The following INSL6 variants were observed in gnomAD, a reference collection of about 807,000 sequenced individuals.
INSL6 encodes insulin like 6.
INSL6 carries 16 observed loss-of-function variants against 9.4 expected under a neutral mutation model. The ratio of observed to expected loss-of-function variants is 1.70; its 90% CI spans 1.15 to 2.59. The LOEUF is 2.59. Ranked by LOEUF, INSL6 falls within the 30% of genes most tolerant of loss-of-function variation. The probability of loss-of-function intolerance (pLI) is 0.00; values close to 1 mark genes in which losing one functional copy is unlikely to be tolerated. For missense variants in INSL6, 391 were observed against 257.3 expected (o/e 1.52, Z -3.56); for synonymous variants, 154 against 96.9 (o/e 1.59, Z -3.46).
Position 5,185,632 on chromosome 9 carries a change from T to G in INSL6, c.-30A>C. 4.4e-6 allele frequency: 7 copies of G among 1,594,312 alleles called. No homozygotes were observed. Among genetic ancestry groups the G allele is most frequent in the Non-Finnish European group, 6.0e-6 (7 of 1,171,928 alleles). ...GTGACCCCAGGCTAGTCCTCCGCGT[T>G]GTGCAATGGCGGTCGGCCGGACCCT... On this transcript the variant is annotated 5_prime_UTR_variant, in exon 1 of 2. Transcript: ENST00000381641.
downstream of INSL6, among the ~76,000 whole-genome samples, chr9:5,121,886 A>G (rs1181794360): frequency 1.3e-5 from 2 of 152,178 alleles, no homozygotes; most frequent in Non-Finnish European, 2.9e-5. Flanking sequence ...GAGGAAGAGC[A>G]TATTTTGCAA....
chr9:5,068,171 CAACA>C, the INSL6 span, among the ~76,000 whole-genome samples: 2 of 75,436 alleles, frequency 2.7e-5, no homozygotes, highest in African/African-American at 2.3e-4. Flanking sequence ...AAAAAAACAA[CAACA>C]AAAAAAAAAA....
At chr9:5,055,684 T>G in the INSL6 span, 1 of 1,576,844 alleles carries the variant, frequency 6.3e-7, no homozygotes, top group East Asian at 2.2e-5. Context: ...ACAGTTATAT[T>G]GCGATTTTCC....
In INSL6 at chr9:5,150,038, AG is replaced by A. The variant is rs573373909; in HGVS notation, c.376+14140del. Among the ~76,000 whole-genome samples the A allele has an allele frequency of 8.4e-4, 128 of 152,370 alleles. 1 individual carries two copies. Among genetic ancestry groups the A allele is most frequent in the Admixed American group, 3.7e-3 (57 of 15,308 alleles). ...AAAAATGGTGCTAGGAAAATTGGAT[AG>A]CCCTGTGCAGAAGAATCAATCTGGA... On this transcript the variant is annotated intron_variant, in intron 2 of 3. Coordinates refer to the INSL6 transcript ENST00000649639.
intron 3 of INSL6, chr9:5,131,842 T>C (rs937427493): frequency 5.3e-4 from 80 of 152,310 alleles, no homozygotes; most frequent in African/African-American, 1.9e-3. Context: ...TATTGATTGA[T>C]AGCACTTACT....
intron 2 of INSL6, among the ~76,000 whole-genome samples, chr9:5,139,008 C>A (rs940107970): frequency 1.3e-5 from 2 of 152,006 alleles, no homozygotes; most frequent in Non-Finnish European, 2.9e-5. Flanking sequence ...AATAAAGTAT[C>A]TTTCACTATT....
the INSL6 span, among the ~76,000 whole-genome samples, chr9:5,000,100 T>G: frequency 6.6e-6 from 1 of 152,202 alleles, no homozygotes; most frequent in African/African-American, 2.4e-5. Flanking sequence ...TCATATTAAA[T>G]TGTAAGAGTT....
chr9:5,014,578 G>A, the INSL6 span, among the ~76,000 whole-genome samples: 1 of 152,162 alleles, frequency 6.6e-6, no homozygotes, highest in Non-Finnish European at 1.5e-5. Context: ...AGGGACTGAT[G>A]GAGAAGGAGC....
downstream of INSL6, chr9:5,123,086 T>C: frequency 6.2e-7 from 1 of 1,610,292 alleles, no homozygotes; most frequent in Non-Finnish European, 8.5e-7. Flanking sequence ...GTATGAACTT[T>C]TCACATACAT....
At chr9:5,026,681 T>TAAC in the INSL6 span, among the ~76,000 whole-genome samples, 26 of 152,302 alleles carry the variant, frequency 1.7e-4, no homozygotes, top group African/African-American at 5.1e-4. Flanking sequence ...AGACTTGTTT[T>TAAC]GAGTTCACGT....
the INSL6 span, among the ~76,000 whole-genome samples, chr9:5,087,438 G>T: frequency 3.9e-5 from 6 of 152,218 alleles, no homozygotes; most frequent in African/African-American, 1.4e-4. Flanking sequence ...TACAATTCAA[G>T]ATGAGATTTG....
At chr9:5,070,102 A>C in the INSL6 span, 1 of 1,343,470 alleles carries the variant, frequency 7.4e-7, no homozygotes, top group Non-Finnish European at 1.0e-6. Flanking sequence ...TTAAAACAAC[A>C]TCTGTTTTCT....
chr9:5,008,649 C>CT, the INSL6 span, among the ~76,000 whole-genome samples: 2 of 152,138 alleles, frequency 1.3e-5, no homozygotes, highest in Non-Finnish European at 2.9e-5. Context: ...AAACTGAACT[C>CT]TTTTAGAGTT....
At chr9:5,135,812 A>C (rs1824378106) in intron 2 of INSL6, among the ~76,000 whole-genome samples, 2 of 151,600 alleles carry the variant, frequency 1.3e-5, no homozygotes, top group Non-Finnish European at 3.0e-5. Flanking sequence ...AAAACCCTTC[A>C]AAAAAAATCA....
chr9:5,141,477 G>A (rs953753996), intron 2 of INSL6, among the ~76,000 whole-genome samples: 4 of 152,054 alleles, frequency 2.6e-5, no homozygotes, highest in East Asian at 3.8e-4. Flanking sequence ...TTTTTCATAC[G>A]ATTGTTGGCC....
At chr9:5,055,271 T>C in the INSL6 span, among the ~76,000 whole-genome samples, 1 of 152,174 alleles carries the variant, frequency 6.6e-6, no homozygotes, top group East Asian at 1.9e-4. Flanking sequence ...AATGAATTTA[T>C]TTTAGGTTTG....
chr9:5,051,141 G>GTTGTTTATT, the INSL6 span, among the ~76,000 whole-genome samples: 1 of 152,252 alleles, frequency 6.6e-6, no homozygotes, highest in South Asian at 2.1e-4. Flanking sequence ...TTGCAAGAGG[G>GTTGTTTATT]ATAGTCAACC....
the INSL6 span, among the ~76,000 whole-genome samples, chr9:5,090,021 A>ATAAC: frequency 2.0e-5 from 3 of 152,222 alleles, no homozygotes; most frequent in Non-Finnish European, 2.9e-5. Flanking sequence ...ATCATAGACT[A>ATAAC]TAACTATAGG....
the INSL6 span, chr9:5,095,059 CAA>C: frequency 1.3e-5 from 2 of 151,730 alleles, no homozygotes; most frequent in African/African-American, 2.4e-5. Context: ...ATAGAGTAAA[CAA>C]GAGAGGTTAA....
Sources: allele counts gnomAD v4.1 joint callset (sites outside exome capture counted in the v4.1 genomes callset), GRCh38; gene constraint gnomAD v4.1.1; transcripts MANE v1.5; gene names NCBI Gene and HGNC (gene_info 2026-07-23, HGNC 2026-07-21).